Variants in VPS8 observed in about 807,000 individuals in gnomAD.
VPS8 encodes VPS8 subunit of CORVET complex, also known as vacuolar protein sorting-associated protein 8 homolog.
In VPS8, 129 loss-of-function variants were observed where a neutral mutation model predicts 216.4. That is an observed-to-expected ratio of 0.60 (90% CI 0.52 to 0.69). The LOEUF (loss-of-function observed/expected upper bound fraction) is 0.69, where lower values mean the gene tolerates loss of function less well. Ranked by LOEUF, VPS8 falls within the 30% of genes least tolerant of loss-of-function variation. The pLI, the probability that VPS8 is intolerant of heterozygous loss-of-function variation, is 0.00. For synonymous variants in VPS8, 571 were observed against 565.4 expected, an observed-to-expected ratio of 1.01 and a Z score of -0.14; for missense variants, 1,531 against 1,683.5, an observed-to-expected ratio of 0.91 and a Z score of 1.59.
chr3:184,924,594 A>G (rs1187941821), intron 29 of VPS8, among the ~76,000 whole-genome samples: 1 of 152,204 alleles, frequency 6.6e-6, no homozygotes, highest in African/African-American at 2.4e-5. Context: ...TTGAAATACT[A>G]CACTTTACAT....
In VPS8 at chr3:184,965,735, G is replaced by A. The variant is rs1215597047; in HGVS notation, c.3274-936G>A. On this transcript the variant is annotated intron_variant, in intron 38 of 47. Coordinates refer to ENST00000625842, the MANE Select transcript of VPS8 (RefSeq NM_001009921.3). ...GCTGGTGACTGTTGGGGGATGGAAG[G>A]CAGGATACAGAGAAGAGGGAGGTAA... Among the ~76,000 whole-genome samples the A allele has an allele frequency of 4.6e-5, 7 of 152,286 alleles. No individual in the cohort carries two copies. The South Asian group carries it at 1.0e-3, about 23-fold the overall frequency.
In VPS8 at chr3:184,834,863, G is replaced by T. The variant is rs1720730666; in HGVS notation, c.447+121G>T. 1.3e-5 allele frequency: 9 copies of T among 717,188 alleles called. No homozygotes were observed. In the South Asian group the frequency reaches 2.1e-4, roughly 16 times the overall value. The allele number at this position is 717,188 out of a possible 1,614,324, so 44.4% of individuals were successfully genotyped here. A position where few individuals can be genotyped will look rare whatever the true frequency, so the allele number is the denominator to read the frequency against. On this transcript the variant is annotated intron_variant, in intron 5 of 47. Coordinates refer to ENST00000625842, the MANE Select transcript of VPS8 (RefSeq NM_001009921.3). ...CGAGGCTTAAGAAAAATAGAATCTG[G>T]CTTTCATGGTTTTTGTGTGATGATT...
chr3:184,975,298 T>C (rs75276613), intron 40 of VPS8, among the ~76,000 whole-genome samples: 6,186 of 152,172 alleles, frequency 0.041, 227 homozygotes, highest in East Asian at 0.11. Context: ...TTTTGTTTTA[T>C]TGTTTGTAGC....
At chr3:184,999,578 A>G in intron 44 of VPS8, 118 bp from the exon 45 acceptor site, 1 of 1,220,540 alleles carries the variant, frequency 8.2e-7, no homozygotes, top group Non-Finnish European at 1.1e-6. Flanking sequence ...TACCCTGTAC[A>G]GCCATCAGTG....
intron 37 of VPS8, among the ~76,000 whole-genome samples, chr3:184,960,220 T>C (rs1187240048): frequency 6.6e-6 from 1 of 152,206 alleles, no homozygotes; most frequent in African/African-American, 2.4e-5. Context: ...TGCCACATTT[T>C]CTTAATCCAG....
rs762069871 is a variant in VPS8 at position 184,894,736 on chromosome 3, A to C, written c.1815A>C (p.Leu605Phe). 2.7e-5 allele frequency: 44 copies of C among 1,606,898 alleles called. No homozygotes were observed. In the East Asian group the frequency reaches 9.2e-4, roughly 33 times the overall value. The change falls in exon 23 of 48, where the codon TTA becomes TTC. Residue 605 changes from leucine to phenylalanine, a missense_variant. Physicochemically the swap from Leu to Phe is conservative, Grantham distance 22. Transcript: ENST00000625842. ...TATTTAGTCAGATGTATGATAAATT[A>C]AGTGAGAATTCAGTGGCCAAAGGAG... The part of the protein sequence containing the change: ...DLLFSQMYDK[L>F]SENSVAKGVF...
chr3:184,990,712 A>T (rs1751779925), intron 42 of VPS8, among the ~76,000 whole-genome samples: 2 of 152,312 alleles, frequency 1.3e-5, no homozygotes, highest in South Asian at 4.1e-4. Context: ...TCTGTATCTA[A>T]CACTAATCAA....
intron 34 of VPS8, among the ~76,000 whole-genome samples, chr3:184,935,984 A>G (rs1258951301): frequency 1.3e-5 from 2 of 152,224 alleles, no homozygotes; most frequent in African/African-American, 4.8e-5. Flanking sequence ...GCTGAAATCC[A>G]GAATTCTATA....
intron 36 of VPS8, among the ~76,000 whole-genome samples, chr3:184,947,754 T>G (rs764863692): frequency 3.9e-5 from 6 of 152,218 alleles, no homozygotes; most frequent in Non-Finnish European, 5.9e-5. Flanking sequence ...CTGGTGATTC[T>G]GACAGATTTT....
Position 184,824,787 on chromosome 3 carries a change from T to A in VPS8, c.153+2T>A. Reference sequence around the variant, plus strand: ...GAACTGGAGTTCAAAAATGATCTGGTAAAAATTTCAATTTCTGTCAAGTGA... The same window carrying A: ...GAACTGGAGTTCAAAAATGATCTGGAAAAAATTTCAATTTCTGTCAAGTGA... On this transcript the variant is annotated splice_donor_variant, in intron 2 of 47. Coordinates refer to ENST00000625842, the MANE Select transcript of VPS8 (RefSeq NM_001009921.3). LOFTEE classifies it high-confidence loss of function. The A allele has an allele frequency of 1.9e-6, 3 of 1,602,756 alleles. No individual in the cohort carries two copies. The highest frequency in any genetic ancestry group is 1.3e-5 in the African/African-American group (1 of 74,746).
At chr3:184,834,838 C>A (rs1422798575) in intron 5 of VPS8, 96 bp downstream of exon 5, 14 of 931,064 alleles carry the variant, frequency 1.5e-5, no homozygotes, top group Non-Finnish European at 2.2e-5. Context: ...TCTCTTGGCC[C>A]GAGGCTTAAG....
chr3:184,851,635 A>C (rs1724289083), intron 10 of VPS8, among the ~76,000 whole-genome samples: 1 of 152,052 alleles, frequency 6.6e-6, no homozygotes, highest in East Asian at 1.9e-4. Context: ...TATGCTTCCC[A>C]CTCTGGCAAC....
chr3:184,869,444 T>C (rs375240088), intron 19 of VPS8, 38 bp from the exon 20 acceptor site: 25 of 1,608,596 alleles, frequency 1.6e-5, no homozygotes, highest in Non-Finnish European at 2.0e-5. Flanking sequence ...AGATGTGGAC[T>C]AACTTTTGTT....
intron 8 of VPS8, among the ~76,000 whole-genome samples, chr3:184,844,442 TA>T (rs1048999965): frequency 7.3e-5 from 11 of 151,514 alleles, no homozygotes; most frequent in Non-Finnish European, 7.4e-5. Flanking sequence ...AAATAAAAAA[TA>T]AAAAATAAGA....
rs777420792 is a variant in VPS8 at position 185,051,943 on chromosome 3, A to G, written c.4205A>G (p.Gln1402Arg). 6.2e-7 allele frequency: 1 copy of G among 1,613,610 alleles called. No individual in the cohort carries two copies. Among genetic ancestry groups the G allele is most frequent in the Non-Finnish European group, 8.5e-7 (1 of 1,179,746 alleles). The change falls in exon 48 of 48, where the codon CAG (glutamine) becomes CGG (arginine). Residue 1402 changes from glutamine (Q) to arginine (R), a missense_variant. Gln to Arg is a conservative substitution (Grantham distance 43). Coordinates refer to ENST00000625842, the MANE Select transcript of VPS8 (RefSeq NM_001009921.3). Reference sequence around the variant, plus strand: ...AGCTATAGGCCATTCAGTGGCTCGCAGAGTGCTCCTGCTTTCAACAGCATC... The same window carrying G: ...AGCTATAGGCCATTCAGTGGCTCGCGGAGTGCTCCTGCTTTCAACAGCATC... Reference protein sequence around the residue: ...SESYRPFSGSQSAPAFNSIFQ... With the variant: ...SESYRPFSGSRSAPAFNSIFQ...
chr3:185,003,354 T>C (rs1753702514), intron 45 of VPS8, among the ~76,000 whole-genome samples: 1 of 147,036 alleles, frequency 6.8e-6, no homozygotes, highest in African/African-American at 2.6e-5. Flanking sequence ...TGGTGATGAC[T>C]CTTAACGAGC....
chr3:184,825,127 C>T (rs888439222), intron 2 of VPS8: 1 of 238,588 alleles, frequency 4.2e-6, no homozygotes, highest in African/African-American at 2.2e-5. Flanking sequence ...TGGTCTCAAA[C>T]TCCTGGACTT....
chr3:184,977,441 C>A (rs1351521258), intron 40 of VPS8, among the ~76,000 whole-genome samples: 1 of 152,136 alleles, frequency 6.6e-6, no homozygotes. Flanking sequence ...TCTTGCTGTG[C>A]AGAAGCTCTT....
intron 23 of VPS8, among the ~76,000 whole-genome samples, chr3:184,897,653 AG>A (rs931765312): frequency 6.6e-6 from 1 of 152,130 alleles, no homozygotes; most frequent in Non-Finnish European, 1.5e-5. Context: ...TAGGAGTCCC[AG>A]AACAGGCTTT....
Sources: gnomAD v4.1 joint callset for allele counts (sites outside exome capture counted in the v4.1 genomes callset) on GRCh38, gnomAD v4.1.1 for gene constraint, MANE v1.5 for transcripts, NCBI Gene and HGNC (gene_info 2026-07-23, HGNC 2026-07-21) for gene names.